Variants in LRMDA observed in about 807,000 individuals in gnomAD.
The protein encoded by LRMDA is leucine rich melanocyte differentiation associated.
Under a neutral mutation model 29.8 loss-of-function variants are expected in LRMDA, and 18 were observed. The ratio of observed to expected loss-of-function variants is 0.60; its 90% CI spans 0.42 to 0.90. LRMDA has a LOEUF of 0.90. Among genes scored for constraint, LRMDA ranks in the 40% least tolerant of loss-of-function variants. The pLI, the probability that LRMDA is intolerant of heterozygous loss-of-function variation, is 0.00. For synonymous variants in LRMDA, 125 were observed against 109.4 expected (o/e 1.14, Z -0.89); for missense variants, 273 against 273.9 (o/e 1.00, Z 0.02).
intron 6 of LRMDA, among the ~76,000 whole-genome samples, chr10:76,473,934 T>C (rs1307622942): frequency 6.6e-6 from 1 of 151,586 alleles, no homozygotes; most frequent in Non-Finnish European, 1.5e-5. Context: ...TTCAACACAA[T>C]TGACTCTCTA....
intron 2 of LRMDA, among the ~76,000 whole-genome samples, chr10:75,939,257 C>T (rs1384316217): frequency 6.6e-6 from 1 of 152,172 alleles, no homozygotes; most frequent in African/African-American, 2.4e-5. Flanking sequence ...AGTATGTGCA[C>T]TTGAGAGTGA....
At chr10:75,936,854 T>A (rs145087585) in intron 2 of LRMDA, among the ~76,000 whole-genome samples, 1 of 152,222 alleles carries the variant, frequency 6.6e-6, no homozygotes, top group African/African-American at 2.4e-5. Context: ...AGGCTTTCAA[T>A]ATATGGCTTT....
At chr10:76,554,016 C>T (rs1045833043) in intron 6 of LRMDA, among the ~76,000 whole-genome samples, 10 of 152,082 alleles carry the variant, frequency 6.6e-5, no homozygotes, top group East Asian at 1.9e-4. Context: ...TCAGTGGGGT[C>T]GGGCGTGCTC....
At chr10:76,488,543 A>G (rs543872021) in intron 6 of LRMDA, among the ~76,000 whole-genome samples, 22 of 151,852 alleles carry the variant, frequency 1.4e-4, no homozygotes, top group Non-Finnish European at 2.9e-4. Flanking sequence ...TAGATATACA[A>G]TAGTTTGTTT....
chr10:75,854,490 T>C (rs1360742746), intron 2 of LRMDA, among the ~76,000 whole-genome samples: 1 of 152,148 alleles, frequency 6.6e-6, no homozygotes, highest in African/African-American at 2.4e-5. Flanking sequence ...ATATTTGTTG[T>C]CCTAGTACCA....
rs113047587 is a variant in LRMDA at position 76,026,830 on chromosome 10, A to G, written c.132-9178A>G. Reference sequence around the variant, plus strand: ...TGGATAGAATATTAGAAGCCATCGAATCTGATCTCTATGAAGAAATTCCCT... The same window carrying G: ...TGGATAGAATATTAGAAGCCATCGAGTCTGATCTCTATGAAGAAATTCCCT... On this transcript the variant is annotated intron_variant, in intron 2 of 6. Coordinates refer to ENST00000611255, the MANE Select transcript of LRMDA (RefSeq NM_001305581.2). 2.2e-4 allele frequency among the ~76,000 whole-genome samples: 34 copies of G among 152,340 alleles called. No homozygotes were observed. In the East Asian group the frequency reaches 2.3e-3, roughly 10 times the overall value.
intron 5 of LRMDA, among the ~76,000 whole-genome samples, chr10:76,231,599 A>G (rs1230154908): frequency 6.6e-6 from 1 of 152,220 alleles, no homozygotes; most frequent in Non-Finnish European, 1.5e-5. Flanking sequence ...CCAACTTTGC[A>G]GAACAAAAGA....
At chr10:76,355,353 G>T (rs1841226457) in intron 6 of LRMDA, among the ~76,000 whole-genome samples, 1 of 152,130 alleles carries the variant, frequency 6.6e-6, no homozygotes, top group East Asian at 1.9e-4. Flanking sequence ...CTCCGTTAAA[G>T]AAATTGTAAG....
chr10:75,839,700 C>CT (rs1160178913), intron 2 of LRMDA, among the ~76,000 whole-genome samples: 3,029 of 82,810 alleles, frequency 0.037, 651 homozygotes, highest in African/African-American at 0.14. Context: ...ATCCGACTTT[C>CT]TTTTTTTTTT....
intron 6 of LRMDA, among the ~76,000 whole-genome samples, chr10:76,520,742 G>A (rs1300544057): frequency 6.6e-6 from 1 of 152,092 alleles, no homozygotes; most frequent in Non-Finnish European, 1.5e-5. Flanking sequence ...CCTGCTTCAG[G>A]CCATGCACAT....
chr10:75,697,844 TGTGTGTGC>T (rs887086223), intron 2 of LRMDA, among the ~76,000 whole-genome samples: 4 of 145,246 alleles, frequency 2.8e-5, no homozygotes, highest in African/African-American at 1.1e-4. Flanking sequence ...AGTGTGTGTG[TGTGTGTGC>T]GTGTGTGTGT....
At chr10:75,571,623 A>G (rs1016964667) in intron 2 of LRMDA, among the ~76,000 whole-genome samples, 3 of 152,218 alleles carry the variant, frequency 2.0e-5, no homozygotes, top group Middle Eastern at 3.2e-3. Flanking sequence ...TGGATCAGTG[A>G]GCACAAGGGA....
intron 5 of LRMDA, among the ~76,000 whole-genome samples, chr10:76,268,007 A>T (rs949775627): frequency 6.6e-6 from 1 of 152,160 alleles, no homozygotes; most frequent in Admixed American, 6.5e-5. Flanking sequence ...TACCTCCTAA[A>T]ATGTATCTTC....
intron 2 of LRMDA, among the ~76,000 whole-genome samples, chr10:75,874,179 GTTAA>G (rs1343057422): frequency 2.6e-5 from 4 of 152,252 alleles, no homozygotes; most frequent in African/African-American, 9.6e-5. Context: ...ATAAATGTAA[GTTAA>G]TTAAGTAAAA....
chr10:76,212,380 C>A (rs190594992), intron 5 of LRMDA, among the ~76,000 whole-genome samples: 1 of 151,960 alleles, frequency 6.6e-6, no homozygotes. Context: ...GTAGAAACAG[C>A]TAAGTTGTTG....
chr10:75,488,221 G>T (rs1204478688), intron 2 of LRMDA, among the ~76,000 whole-genome samples: 1 of 152,146 alleles, frequency 6.6e-6, no homozygotes, highest in African/African-American at 2.4e-5. Flanking sequence ...TCAGCTAAAA[G>T]GCTTTTAGGA....
intron 6 of LRMDA, among the ~76,000 whole-genome samples, chr10:76,365,107 T>TATATATATATATATATACACACACAC (rs141131236): frequency 1.8e-4 from 11 of 61,250 alleles, no homozygotes; most frequent in Non-Finnish European, 3.9e-4. Flanking sequence ...TATATATATA[T>TATATATATATATATATACACACACAC]ACACACACAC....
chr10:75,821,701 G>A (rs187023889), intron 2 of LRMDA, among the ~76,000 whole-genome samples: 57 of 152,068 alleles, frequency 3.7e-4, no homozygotes, highest in African/African-American at 1.3e-3. Flanking sequence ...CCTGGGAGGC[G>A]GAGCTTGCAG....
At chr10:75,453,258 G>A (rs1446383038) in intron 2 of LRMDA, among the ~76,000 whole-genome samples, 1 of 152,168 alleles carries the variant, frequency 6.6e-6, no homozygotes, top group East Asian at 1.9e-4. Context: ...TCCAAATGTG[G>A]CATTTATAGT....
Sources: allele counts gnomAD v4.1 joint callset (sites outside exome capture counted in the v4.1 genomes callset), GRCh38; gene constraint gnomAD v4.1.1; transcripts MANE v1.5; gene names NCBI Gene and HGNC (gene_info 2026-07-23, HGNC 2026-07-21).